The following RPEL1 variants were observed in gnomAD, a reference collection of about 807,000 sequenced individuals.
RPEL1 encodes ribulose-5-phosphate-3-epimerase like 1, also known as ribulose-phosphate 3-epimerase-like protein 1.
In RPEL1, 7 loss-of-function variants were observed where a neutral mutation model predicts 12.8. That is an observed-to-expected ratio of 0.55 (90% confidence interval 0.31 to 1.03). RPEL1 has a LOEUF of 1.03. Ranked by LOEUF, RPEL1 falls within the 50% of genes least tolerant of loss-of-function variation. RPEL1 has a pLI of 0.05. For synonymous variants in RPEL1, 91 were observed against 102.0 expected, an observed-to-expected ratio of 0.89 and a Z score of 0.65; for missense variants, 237 against 289.4, an observed-to-expected ratio of 0.82 and a Z score of 1.31.
Position 103,246,483 on chromosome 10 carries a change from T to C in RPEL1, c.487T>C (p.Leu163=). Residue 163 remains leucine (L), a synonymous_variant, in exon 1 of 1, where the codon TTG becomes CTG. Transcript: ENST00000441178. Reference sequence around the variant, plus strand: ...AGATATGATGCCAAAGGTTCACTGGTTGAGGACCCAGTTCCCATCTTTGGA... The same window carrying C: ...AGATATGATGCCAAAGGTTCACTGGCTGAGGACCCAGTTCCCATCTTTGGA... ...MEDMMPKVHW[L]RTQFPSLDIE... 1 of 1,614,144 alleles carries C rather than the reference T, an allele frequency of 6.2e-7. No homozygotes were observed. Among genetic ancestry groups the C allele is most frequent in the Non-Finnish European group, 8.5e-7 (1 of 1,180,022 alleles).
Position 103,246,798 on chromosome 10 carries a change from T to C in RPEL1, c.*115T>C, listed in dbSNP as rs1048688710. ...GCTGTACTGCTTTTTTGAGCAGTTA[T>C]TCATTCCAGTGATTAAAACTGATTG... On this transcript the variant is annotated 3_prime_UTR_variant, in exon 1 of 1. Transcript: ENST00000441178. 1.5e-6 allele frequency: 2 copies of C among 1,303,532 alleles called. No individual in the cohort carries two copies. Among genetic ancestry groups the C allele is most frequent in the African/African-American group, 3.0e-5 (2 of 67,088 alleles). The allele number at this position is 1,303,532 out of a possible 1,614,324, so 80.7% of individuals were successfully genotyped here.
In RPEL1 at chr10:103,246,818, T is replaced by C; in HGVS notation, c.*135T>C. The C allele has an allele frequency of 8.5e-7, 1 of 1,175,126 alleles. No homozygotes were observed. Among genetic ancestry groups the C allele is most frequent in the Non-Finnish European group, 1.2e-6 (1 of 842,588 alleles). The allele number at this position is 1,175,126 out of a possible 1,614,324, so 72.8% of individuals were successfully genotyped here. A position where few individuals can be genotyped will look rare whatever the true frequency, so the allele number is the denominator to read the frequency against. ...AGTTATTCATTCCAGTGATTAAAAC[T>C]GATTGTGCAGAATATTCTAAGAGGT... On this transcript the variant is annotated 3_prime_UTR_variant, in exon 1 of 1. Coordinates refer to ENST00000441178, the MANE Select transcript of RPEL1 (RefSeq NM_001143909.1).
rs779196890 is a variant in RPEL1 at position 103,245,977 on chromosome 10, T to C, written c.-20T>C. 3.7e-6 allele frequency: 6 copies of C among 1,609,774 alleles called. No homozygotes were observed. The highest frequency in any genetic ancestry group is 5.1e-6 in the Non-Finnish European group (6 of 1,177,580). On this transcript the variant is annotated 5_prime_UTR_variant, in exon 1 of 1. Coordinates refer to ENST00000441178, the MANE Select transcript of RPEL1 (RefSeq NM_001143909.1). ...CTTGCCGGGGACTCGTGGGGTAACT[T>C]GTTCTTGGGAGCCAGCGGTATGGCG...
rs994922344 is a variant in RPEL1, at chr10:103,246,785, T to G, written c.*102T>G. 18 of 1,379,522 alleles carry G rather than the reference T, an allele frequency of 1.3e-5. No individual in the cohort carries two copies. The African/African-American group carries it at 2.5e-4, about 19-fold the overall frequency. 85.5% of individuals were successfully genotyped at this position (1,379,522 alleles called of 1,614,324 possible). A position where few individuals can be genotyped will look rare whatever the true frequency, so the allele number is the denominator to read the frequency against. ...TCATGAAATTGAAGCTGTACTGCTT[T>G]TTTGAGCAGTTATTCATTCCAGTGA... On this transcript the variant is annotated 3_prime_UTR_variant, in exon 1 of 1. Transcript: ENST00000441178.
chr10:103,246,171 A>G lies in RPEL1; in HGVS notation c.175A>G (p.Lys59Glu), dbSNP rs764567457. The change falls in exon 1 of 1, where the codon AAG (lysine) becomes GAG (glutamate). Residue 59 changes from lysine to glutamate, a missense_variant. Lys to Glu is a moderately conservative substitution (Grantham distance 56). Coordinates refer to ENST00000441178, the MANE Select transcript of RPEL1 (RefSeq NM_001143909.1). ...TCACCCTGTGGTAGAAAGCCTTCGA[A>G]AGCAGCTAGGCCAGGACCCTTTCTT... ...FGHPVVESLR[K>E]QLGQDPFFDM... 5 of 1,614,208 alleles carry G rather than the reference A, an allele frequency of 3.1e-6. No homozygotes were observed. In the Admixed American group the frequency reaches 5.0e-5, roughly 16 times the overall value.
the RPEL1 span, chr10:103,246,053 A>AG: frequency 1.2e-6 from 2 of 1,614,182 alleles, no homozygotes; most frequent in Non-Finnish European, 1.7e-6. Context: ...TGGCCAATTT[A>AG]GGGGCCAAGT....
chr10:103,246,340 T>C lies in RPEL1; in HGVS notation c.344T>C (p.Val115Ala). 3 of 1,614,208 alleles carry C rather than the reference T, an allele frequency of 1.9e-6. No individual in the cohort carries two copies. Among genetic ancestry groups the C allele is most frequent in the Non-Finnish European group, 2.5e-6 (3 of 1,180,038 alleles). The change falls in exon 1 of 1, where the codon GTT becomes GCT. Residue 115 changes from valine to alanine, a missense_variant. Transcript: ENST00000441178. The part of the protein sequence containing the change: ...IKDIRENGMK[V>A]GLAIKPGTSV... ...GACATTCGGGAGAATGGGATGAAGGTTGGCCTTGCCATCAAACCAGGAACC... is the reference window on the plus strand; with the variant it reads ...GACATTCGGGAGAATGGGATGAAGGCTGGCCTTGCCATCAAACCAGGAACC...
At position 103,246,002 on chromosome 10, in the gene RPEL1, G is replaced by T. The variant is rs780905882; in HGVS notation, c.6G>T (p.Ala2=). The T allele has an allele frequency of 6.2e-7, 1 of 1,613,478 alleles. No individual in the cohort carries two copies. The highest frequency in any genetic ancestry group is 2.2e-5 in the East Asian group (1 of 44,868). Residue 2 remains alanine (A), a synonymous_variant, in exon 1 of 1, where the codon GCG becomes GCT. Transcript: ENST00000441178. M[A]SGCKIGPSIL... ...TGTTCTTGGGAGCCAGCGGTATGGC[G>T]TCGGGCTGCAAGATTGGCCCGTCCA...
rs2093010276 is a variant in RPEL1 at position 103,247,538 on chromosome 10, A to G, written c.*855A>G. ...TGAGAATTAAGAGGTAACACTATATATGTAAAGTTTCTAGTACTAGTCCCA... is the reference window on the plus strand; with the variant it reads ...TGAGAATTAAGAGGTAACACTATATGTGTAAAGTTTCTAGTACTAGTCCCA... On this transcript the variant is annotated 3_prime_UTR_variant, in exon 1 of 1. Transcript: ENST00000441178. 1 of 167,058 alleles carries G rather than the reference A, an allele frequency of 6.0e-6. No individual in the cohort carries two copies. The highest frequency in any genetic ancestry group is 2.4e-5 in the African/African-American group (1 of 41,450). The allele number at this position is 167,058 out of a possible 1,614,324, so 10.3% of individuals were successfully genotyped here.
In RPEL1 at chr10:103,246,597, A is replaced by T; in HGVS notation, c.601A>T (p.Met201Leu). ...ANMTVSGSAI[M>L]RSEDPRSVIN... ...CATGACTGTATCTGGCAGTGCTATT[A>T]TGAGGAGTGAAGACCCCAGATCTGT... is the stretch of plus-strand genomic sequence containing the variant. The change falls in exon 1 of 1, where the codon ATG (methionine) becomes TTG (leucine). Residue 201 changes from methionine to leucine, a missense_variant. Met to Leu is a conservative substitution (Grantham distance 15, BLOSUM62 2). Transcript: ENST00000441178. The T allele has an allele frequency of 1.2e-6, 2 of 1,614,184 alleles. No homozygotes were observed. Among genetic ancestry groups the T allele is most frequent in the Middle Eastern group, 1.6e-4 (1 of 6,062 alleles).
At position 103,246,508 on chromosome 10, in the gene RPEL1, A is replaced by T. The variant is rs2093008515; in HGVS notation, c.512A>T (p.Asp171Val). ...HWLRTQFPSLDIEGDGGVGSD... is the reference protein window; with the variant it reads ...HWLRTQFPSLVIEGDGGVGSD... ...TTGAGGACCCAGTTCCCATCTTTGGATATAGAGGGCGATGGTGGAGTAGGT... is the reference window on the plus strand; with the variant it reads ...TTGAGGACCCAGTTCCCATCTTTGGTTATAGAGGGCGATGGTGGAGTAGGT... Residue 171 changes from aspartate to valine, a missense_variant, in exon 1 of 1, where the codon GAT (aspartate) becomes GTT (valine). By Grantham distance (152) the Asp-to-Val change is radical (BLOSUM62 -3). Transcript: ENST00000441178. 6.2e-7 allele frequency: 1 copy of T among 1,614,072 alleles called. No individual in the cohort carries two copies. Among genetic ancestry groups the T allele is most frequent in the African/African-American group, 1.3e-5 (1 of 74,932 alleles).
chr10:103,246,654 G>A lies in RPEL1; in HGVS notation c.658G>A (p.Ala220Thr). The change falls in exon 1 of 1, where the codon GCT (alanine) becomes ACT (threonine). Residue 220 changes from alanine to threonine, a missense_variant. Coordinates refer to ENST00000441178, the MANE Select transcript of RPEL1 (RefSeq NM_001143909.1). Reference sequence around the variant, plus strand: ...CCTATTAAGAAATATTTGCTCAGAAGCTGCTCAGAAACGTTCTCTTGATCG... The same window carrying A: ...CCTATTAAGAAATATTTGCTCAGAAACTGCTCAGAAACGTTCTCTTGATCG... ...INLLRNICSE[A>T]AQKRSLDR 2 of 1,613,788 alleles carry A rather than the reference G, an allele frequency of 1.2e-6. No individual in the cohort carries two copies. Among genetic ancestry groups the A allele is most frequent in the Non-Finnish European group, 1.7e-6 (2 of 1,179,824 alleles).
chr10:103,245,914 A>C lies in RPEL1; in HGVS notation c.-83A>C. On this transcript the variant is annotated 5_prime_UTR_variant, in exon 1 of 1. Transcript: ENST00000441178. ...GGCCAAACTGTGGTTCTTTGGTAGA[A>C]TTTCCTGGTTTTAAAAAAAAAAAAA... The C allele has an allele frequency of 2.6e-3, 3,556 of 1,354,382 alleles. No individual in the cohort carries two copies. Among genetic ancestry groups the C allele is most frequent in the Non-Finnish European group, 3.1e-3 (3,136 of 1,002,400 alleles). 83.9% of individuals were successfully genotyped at this position (1,354,382 alleles called of 1,614,324 possible).
rs1202107727 is a variant in RPEL1, at chr10:103,246,741, A to T, written c.*58A>T. The T allele has an allele frequency of 8.5e-6, 13 of 1,537,900 alleles. No individual in the cohort carries two copies. Among genetic ancestry groups the T allele is most frequent in the African/African-American group, 2.7e-5 (2 of 72,750 alleles). The stretch of plus-strand genomic sequence containing the variant: ...AATCTCCCTTTTACTGGAAAACAGG[A>T]ATATTGACTACCAAATCATCATGAA... On this transcript the variant is annotated 3_prime_UTR_variant, in exon 1 of 1. Transcript: ENST00000441178.
rs760958587 is a variant in RPEL1, at chr10:103,246,551, G to A, written c.555G>A (p.Lys185=). The stretch of plus-strand genomic sequence containing the variant: ...GAGTAGGTTCTGACACTGTCCATAA[G>A]TGTGCAGAGGCAGGAGCTAACATGA... The part of the protein sequence containing the change: ...DGGVGSDTVH[K]CAEAGANMTV... Residue 185 remains lysine, a synonymous_variant, in exon 1 of 1, where the codon AAG becomes AAA. Transcript: ENST00000441178. 8.1e-6 allele frequency: 13 copies of A among 1,614,204 alleles called. No individual in the cohort carries two copies. The highest frequency in any genetic ancestry group is 1.6e-4 in the Middle Eastern group (1 of 6,062).
Position 103,246,695 on chromosome 10 carries a change from G to A in RPEL1, c.*12G>A, listed in dbSNP as rs113126007. ...CTCTTGATCGATGAAACCATAAGGAGCCCAATGTTTCTGTTCATGAAATCT... is the reference window on the plus strand; with the variant it reads ...CTCTTGATCGATGAAACCATAAGGAACCCAATGTTTCTGTTCATGAAATCT... On this transcript the variant is annotated 3_prime_UTR_variant, in exon 1 of 1. Transcript: ENST00000441178. 6.2e-7 allele frequency: 1 copy of A among 1,606,066 alleles called. No individual in the cohort carries two copies. The highest frequency in any genetic ancestry group is 8.5e-7 in the Non-Finnish European group (1 of 1,175,672).
At position 103,247,767 on chromosome 10, in the gene RPEL1, T is replaced by C. The variant is rs545574790; in HGVS notation, c.*1084T>C. ...GTTTCCAGAGCACGAGCTGAAGGGA[T>C]TGACGGGCTCCTCAAAGGCTATACA... On this transcript the variant is annotated 3_prime_UTR_variant, in exon 1 of 1. Coordinates refer to ENST00000441178, the MANE Select transcript of RPEL1 (RefSeq NM_001143909.1). 1 of 166,806 alleles carries C rather than the reference T, an allele frequency of 6.0e-6. No individual in the cohort carries two copies. The highest frequency in any genetic ancestry group is 1.9e-4 in the East Asian group (1 of 5,182). The allele number at this position is 166,806 out of a possible 1,614,324, so 10.3% of individuals were successfully genotyped here. A position where few individuals can be genotyped will look rare whatever the true frequency, so the allele number is the denominator to read the frequency against.
Position 103,246,212 on chromosome 10 carries a change from G to A in RPEL1, c.216G>A (p.Met72Ile), listed in dbSNP as rs1279456586. Residue 72 changes from methionine to isoleucine, a missense_variant, in exon 1 of 1, where the codon ATG (methionine) becomes ATA (isoleucine). Coordinates refer to ENST00000441178, the MANE Select transcript of RPEL1 (RefSeq NM_001143909.1). ...ACCCTTTCTTTGACATGCACATGAT[G>A]GTGTCCAAGCCAGAACAGTGGGTAA... ...GQDPFFDMHM[M>I]VSKPEQWVKP... is the part of the protein sequence containing the mutation. The A allele has an allele frequency of 6.2e-7, 1 of 1,614,232 alleles. No homozygotes were observed. Among genetic ancestry groups the A allele is most frequent in the Admixed American group, 1.7e-5 (1 of 60,022 alleles).
Position 103,246,301 on chromosome 10 carries a change from G to A in RPEL1, c.305G>A (p.Gly102Glu), listed in dbSNP as rs553181065. 1 of 1,614,184 alleles carries A rather than the reference G, an allele frequency of 6.2e-7. No individual in the cohort carries two copies. Among genetic ancestry groups the A allele is most frequent in the South Asian group, 1.1e-5 (1 of 91,084 alleles). ...TFHLEATENP[G>E]TLIKDIRENG... ...CATCTCGAGGCTACTGAGAACCCAG[G>A]GACTTTGATTAAAGACATTCGGGAG... is the stretch of plus-strand genomic sequence containing the variant. Residue 102 changes from glycine (G) to glutamate (E), a missense_variant, in exon 1 of 1, where the codon GGG (glycine) becomes GAG (glutamate). Coordinates refer to ENST00000441178, the MANE Select transcript of RPEL1 (RefSeq NM_001143909.1).
Sources: allele counts gnomAD v4.1 joint callset, GRCh38; gene constraint gnomAD v4.1.1; transcripts MANE v1.5; gene names NCBI Gene and HGNC (gene_info 2026-07-23, HGNC 2026-07-21).